IP6K1: variants seen among roughly 807,000 people sequenced by gnomAD.
IP6K1 encodes ATP:1D-myo-inositol-hexakisphosphate phosphotransferase.
A neutral mutation model predicts 38.3 loss-of-function variants in IP6K1; 13 were observed. The ratio of observed to expected loss-of-function variants is 0.34; its 90% CI spans 0.22 to 0.54. The LOEUF is 0.54. IP6K1 is among the 20% of genes least tolerant of loss of function. The probability of loss-of-function intolerance (pLI) is 0.92; values close to 1 mark genes in which losing one functional copy is unlikely to be tolerated. For missense variants in IP6K1, 397 were observed against 599.8 expected (o/e 0.66, Z 3.53); for synonymous variants, 212 against 229.9 (o/e 0.92, Z 0.70).
At chr3:49,757,202 T>TA (rs1315500448) in intron 1 of IP6K1, among the ~76,000 whole-genome samples, 1 of 152,210 alleles carries the variant, frequency 6.6e-6, no homozygotes, top group African/African-American at 2.4e-5. Context: ...AACTGAAAGA[T>TA]AGATGCAAAA....
At chr3:49,765,645 TAAA>T (rs34536749) in intron 1 of IP6K1, among the ~76,000 whole-genome samples, 19 of 125,754 alleles carry the variant, frequency 1.5e-4, no homozygotes, top group Admixed American at 2.5e-4. Flanking sequence ...AGACTCGTCT[TAAA>T]AAAAAAAAAA....
At chr3:49,781,755 A>G (rs2081067692) in intron 1 of IP6K1, among the ~76,000 whole-genome samples, 1 of 152,114 alleles carries the variant, frequency 6.6e-6, no homozygotes, top group Non-Finnish European at 1.5e-5. Flanking sequence ...TCCTGATTTC[A>G]GTGCAGGATC....
intron 3 of IP6K1, among the ~76,000 whole-genome samples, chr3:49,735,521 C>T (rs2080601768): frequency 6.6e-6 from 1 of 152,196 alleles, no homozygotes; most frequent in South Asian, 2.1e-4. Context: ...GAAGGGGAAG[C>T]ACTAGAAGAA....
chr3:49,767,102 AT>A (rs997452028), intron 1 of IP6K1, among the ~76,000 whole-genome samples: 66 of 148,408 alleles, frequency 4.4e-4, no homozygotes, highest in African/African-American at 1.2e-3. Context: ...TCTCCACAAA[AT>A]TTTTTTTTTT....
Position 49,748,180 on chromosome 3 carries a change from A to G in IP6K1, c.-128-12T>C, listed in dbSNP as rs2080739763. 1 of 845,820 alleles carries G rather than the reference A, an allele frequency of 1.2e-6. No homozygotes were observed. The highest frequency in any genetic ancestry group is 1.8e-6 in the Non-Finnish European group (1 of 540,872). 52.4% of individuals were successfully genotyped at this position (845,820 alleles called of 1,614,324 possible). A position where few individuals can be genotyped will look rare whatever the true frequency, so the allele number is the denominator to read the frequency against. ...CTTATTATTCTGTCCTACAGAAAAG[A>G]AGAGAGGAAGAAGGAATCAAAACAC... On this transcript the variant is annotated splice_polypyrimidine_tract_variant and intron_variant, in intron 1 of 5. Coordinates refer to ENST00000321599, the MANE Select transcript of IP6K1 (RefSeq NM_153273.4).
At chr3:49,762,707 A>C (rs1004387011) in intron 1 of IP6K1, among the ~76,000 whole-genome samples, 1 of 152,108 alleles carries the variant, frequency 6.6e-6, no homozygotes, top group Admixed American at 6.6e-5. Flanking sequence ...AATCTTACAT[A>C]ATTTTTTTTC....
At chr3:49,764,770 T>G (rs188733749) in intron 1 of IP6K1, among the ~76,000 whole-genome samples, 1 of 150,928 alleles carries the variant, frequency 6.6e-6, no homozygotes, top group Admixed American at 6.6e-5. Flanking sequence ...TCCCAGCCAC[T>G]AGGAAGGCTG....
chr3:49,749,438 A>C (rs1219375538), intron 1 of IP6K1, among the ~76,000 whole-genome samples: 1 of 152,224 alleles, frequency 6.6e-6, no homozygotes, highest in African/African-American at 2.4e-5. Flanking sequence ...TGTATTTTTA[A>C]ATTAGGAATG....
chr3:49,730,560 T>C, intron 4 of IP6K1, among the ~76,000 whole-genome samples: 1 of 152,180 alleles, frequency 6.6e-6, no homozygotes, highest in East Asian at 1.9e-4. Context: ...CTTTTCTTTT[T>C]TTTTAGGATG....
At chr3:49,732,291 C>T (rs550609940) in intron 4 of IP6K1, among the ~76,000 whole-genome samples, 1 of 152,186 alleles carries the variant, frequency 6.6e-6, no homozygotes, top group African/African-American at 2.4e-5. Context: ...TCACCAAAGT[C>T]AAATATATCA....
chr3:49,772,367 G>A (rs2080968207), intron 1 of IP6K1, among the ~76,000 whole-genome samples: 1 of 146,326 alleles, frequency 6.8e-6, no homozygotes, highest in African/African-American at 2.5e-5. Flanking sequence ...TATATATATA[G>A]AAGGCTATAT....
intron 1 of IP6K1, among the ~76,000 whole-genome samples, chr3:49,761,377 A>G (rs180690253): frequency 2.6e-4 from 39 of 152,000 alleles, no homozygotes; most frequent in African/African-American, 8.9e-4. Context: ...CTGTAATCCC[A>G]GCACTTTGGG....
intron 1 of IP6K1, among the ~76,000 whole-genome samples, chr3:49,752,446 G>A (rs9820884): frequency 2.0e-5 from 3 of 149,780 alleles, no homozygotes; most frequent in East Asian, 2.0e-4. Flanking sequence ...CCGAGATCGC[G>A]CCACTGCACT....
chr3:49,738,071 A>G lies in IP6K1; in HGVS notation c.434+141T>C. ...ACTGGGGTGATGTGACACAGAGAAG[A>G]GGCTACACCTGTGTGGGTATCCCAA... On this transcript the variant is annotated intron_variant, in intron 3 of 5. Transcript: ENST00000321599. 2 of 664,186 alleles carry G rather than the reference A, an allele frequency of 3.0e-6. 1 individual carries two copies. Among genetic ancestry groups the G allele is most frequent in the South Asian group, 3.5e-5 (2 of 57,036 alleles). 41.1% of individuals were successfully genotyped at this position (664,186 alleles called of 1,614,324 possible). A position where few individuals can be genotyped will look rare whatever the true frequency, so the allele number is the denominator to read the frequency against.
At chr3:49,783,946 C>T (rs895759776) in intron 1 of IP6K1, among the ~76,000 whole-genome samples, 1 of 152,034 alleles carries the variant, frequency 6.6e-6, no homozygotes, top group African/African-American at 2.4e-5. Context: ...GGGTTCAGCA[C>T]CTGCTTTCCT....
At chr3:49,766,942 G>C (rs1010061280) in intron 1 of IP6K1, among the ~76,000 whole-genome samples, 1 of 98,548 alleles carries the variant, frequency 1.0e-5, no homozygotes, top group Non-Finnish European at 1.8e-5. Flanking sequence ...GGGGTGACAA[G>C]AGCAAGACTC....
chr3:49,782,768 G>A (rs2081077231), intron 1 of IP6K1, among the ~76,000 whole-genome samples: 1 of 151,562 alleles, frequency 6.6e-6, no homozygotes, highest in Non-Finnish European at 1.5e-5. Context: ...CTACAATTGT[G>A]TCACTACACT....
chr3:49,741,849 A>T (rs1247394265), intron 2 of IP6K1, among the ~76,000 whole-genome samples: 3 of 152,366 alleles, frequency 2.0e-5, no homozygotes, highest in Admixed American at 6.5e-5. Context: ...TACAACCATC[A>T]GAACTGGGAC....
chr3:49,737,131 A>T (rs2080620317), intron 3 of IP6K1, among the ~76,000 whole-genome samples: 2 of 147,832 alleles, frequency 1.4e-5, no homozygotes, highest in South Asian at 4.3e-4. Context: ...AGCTGGTCTG[A>T]AACTCCTGGC....
Sources: gnomAD v4.1 joint callset for allele counts (sites outside exome capture counted in the v4.1 genomes callset) on GRCh38, gnomAD v4.1.1 for gene constraint, MANE v1.5 for transcripts, NCBI Gene and HGNC (gene_info 2026-07-23, HGNC 2026-07-21) for gene names.